Variants in EIPR1 observed in about 807,000 individuals in gnomAD.
EIPR1 encodes EARP complex and GARP complex interacting protein 1, also known as EARP and GARP complex-interacting protein 1.
In EIPR1, 25 loss-of-function variants were observed where a neutral mutation model predicts 48.1. The ratio of observed to expected loss-of-function variants is 0.52; its 90% CI spans 0.38 to 0.73. The LOEUF is 0.73. EIPR1 is among the 30% of genes least tolerant of loss of function. The pLI is 0.00. For missense variants in EIPR1, 415 were observed against 506.2 expected, an observed-to-expected ratio of 0.82 and a Z score of 1.73; for synonymous variants, 204 against 201.9, an observed-to-expected ratio of 1.01 and a Z score of -0.09.
intron 3 of EIPR1, among the ~76,000 whole-genome samples, chr2:3,309,484 C>A (rs941258338): frequency 3.0e-4 from 46 of 152,052 alleles, no homozygotes; most frequent in African/African-American, 1.0e-3. Context: ...GGAGTTAAGC[C>A]CTAAGAGATC....
chr2:3,223,816 T>C (rs1665974885), intron 4 of EIPR1, among the ~76,000 whole-genome samples: 1 of 152,096 alleles, frequency 6.6e-6, no homozygotes. Context: ...GGCATGCCTG[T>C]GGACAAAGCC....
At chr2:3,274,644 A>G (rs2103249933) in intron 3 of EIPR1, among the ~76,000 whole-genome samples, 1 of 152,298 alleles carries the variant, frequency 6.6e-6, no homozygotes, top group East Asian at 1.9e-4. Flanking sequence ...AAGTTAAAAA[A>G]AAAAAATTAA....
chr2:3,337,233 G>A (rs1670095103), intron 3 of EIPR1, among the ~76,000 whole-genome samples: 1 of 152,178 alleles, frequency 6.6e-6, no homozygotes, highest in African/African-American at 2.4e-5. Context: ...TGATATATGA[G>A]CCATGCAATC....
chr2:3,201,453 G>A (rs760856257), intron 5 of EIPR1, among the ~76,000 whole-genome samples: 3 of 152,148 alleles, frequency 2.0e-5, no homozygotes, highest in Non-Finnish European at 2.9e-5. Context: ...TTCTCATTAC[G>A]TTTGCGGCAA....
At chr2:3,295,950 T>TC (rs1468622910) in intron 3 of EIPR1, among the ~76,000 whole-genome samples, 2 of 88,322 alleles carry the variant, frequency 2.3e-5, no homozygotes, top group African/African-American at 9.1e-5. Context: ...ACACACACCC[T>TC]CCATCCAGCC....
intron 3 of EIPR1, among the ~76,000 whole-genome samples, chr2:3,278,537 T>C (rs1667926991): frequency 6.6e-6 from 1 of 152,110 alleles, no homozygotes; most frequent in South Asian, 2.1e-4. Flanking sequence ...AGGAGCAGGC[T>C]GGGAGGCAGC....
intron 4 of EIPR1, among the ~76,000 whole-genome samples, chr2:3,242,530 G>A (rs1350813446): frequency 1.3e-5 from 2 of 150,368 alleles, no homozygotes; most frequent in African/African-American, 2.4e-5. Flanking sequence ...ACTGACGGCT[G>A]GAAGACAGAG....
At chr2:3,285,572 A>G (rs1668157886) in intron 3 of EIPR1, among the ~76,000 whole-genome samples, 1 of 152,228 alleles carries the variant, frequency 6.6e-6, no homozygotes, top group Non-Finnish European at 1.5e-5. Flanking sequence ...TGCCGACCAC[A>G]TGGAGGCAAA....
intron 3 of EIPR1, among the ~76,000 whole-genome samples, chr2:3,295,498 C>T (rs1668537889): frequency 8.3e-6 from 1 of 120,324 alleles, no homozygotes; most frequent in Non-Finnish European, 1.7e-5. Context: ...ATCCTCTCTG[C>T]ACACATACAC....
chr2:3,248,415 AAAACGCTGT>A (rs1666906203), intron 4 of EIPR1, among the ~76,000 whole-genome samples: 1 of 152,200 alleles, frequency 6.6e-6, no homozygotes, highest in South Asian at 2.1e-4. Flanking sequence ...CCAACATGGC[AAAACGCTGT>A]CTCTACTAAA....
chr2:3,198,583 C>T (rs574030197), intron 5 of EIPR1, among the ~76,000 whole-genome samples: 2 of 152,292 alleles, frequency 1.3e-5, no homozygotes, highest in African/African-American at 2.4e-5. Flanking sequence ...TCTATTTTCC[C>T]TGTGTCGGTC....
At chr2:3,239,635 C>T (rs945688557) in intron 4 of EIPR1, among the ~76,000 whole-genome samples, 3 of 151,842 alleles carry the variant, frequency 2.0e-5, no homozygotes, top group Non-Finnish European at 4.4e-5. Context: ...CTCATTAACC[C>T]CCTTTCCACA....
chr2:3,296,851 T>C (rs62121534), intron 3 of EIPR1, among the ~76,000 whole-genome samples: 35,286 of 152,266 alleles, frequency 0.23, 4,152 homozygotes, highest in Non-Finnish European at 0.25. Context: ...GCTCTGGGCA[T>C]CTTTGTCCTC....
At chr2:3,295,429 C>G (rs1256792993) in intron 3 of EIPR1, among the ~76,000 whole-genome samples, 43 of 135,690 alleles carry the variant, frequency 3.2e-4, no homozygotes, top group African/African-American at 1.2e-3. Context: ...CCCATCCTCT[C>G]TGCACACACA....
intron 4 of EIPR1, among the ~76,000 whole-genome samples, chr2:3,235,959 G>A (rs1037221282): frequency 2.6e-5 from 4 of 152,134 alleles, no homozygotes; most frequent in African/African-American, 9.7e-5. Context: ...GCAGGACTTA[G>A]GTGGAGAAAA....
chr2:3,204,573 T>G (rs113194043), intron 5 of EIPR1, among the ~76,000 whole-genome samples: 1 of 152,214 alleles, frequency 6.6e-6, no homozygotes, highest in African/African-American at 2.4e-5. Flanking sequence ...CCAAAAGGAA[T>G]GATTAAAGGC....
chr2:3,208,710 C>T (rs17327576), intron 5 of EIPR1: 181,805 of 1,550,174 alleles, frequency 0.12, 12,001 homozygotes, highest in Non-Finnish European at 0.14. Context: ...CTCGGCGGGT[C>T]CTTCTTCCAT....
intron 1 of EIPR1, among the ~76,000 whole-genome samples, chr2:3,364,129 G>T (rs982272073): frequency 1.2e-4 from 19 of 152,144 alleles, no homozygotes; most frequent in African/African-American, 4.6e-4. Context: ...TAAAAATAGA[G>T]CTACCACATC....
intron 3 of EIPR1, among the ~76,000 whole-genome samples, chr2:3,288,655 T>C (rs1219782748): frequency 6.6e-6 from 1 of 152,200 alleles, no homozygotes; most frequent in African/African-American, 2.4e-5. Flanking sequence ...GGGTGGCAGC[T>C]GCTGGACTTT....
Sources: gnomAD v4.1 joint callset for allele counts (sites outside exome capture counted in the v4.1 genomes callset) on GRCh38, gnomAD v4.1.1 for gene constraint, MANE v1.5 for transcripts, NCBI Gene and HGNC (gene_info 2026-07-23, HGNC 2026-07-21) for gene names.